Variants in RBBP5 observed in about 807,000 individuals in gnomAD.
The protein encoded by RBBP5 is RB binding protein 5, histone lysine methyltransferase complex subunit.
A neutral mutation model predicts 72.2 loss-of-function variants in RBBP5; 5 were observed. The ratio of observed to expected loss-of-function variants is 0.07; its 90% confidence interval spans 0.04 to 0.15. The LOEUF (loss-of-function observed/expected upper bound fraction) is 0.15. RBBP5 is among the 10% of genes least tolerant of loss of function. The probability of loss-of-function intolerance (pLI) is 1.00; values close to 1 mark genes in which losing one functional copy is unlikely to be tolerated. For missense variants in RBBP5, 322 were observed against 652.2 expected (o/e 0.49, Z 5.51); for synonymous variants, 209 against 237.2 (o/e 0.88, Z 1.09).
intron 3 of RBBP5, among the ~76,000 whole-genome samples, chr1:205,111,045 C>T (rs1656292904): frequency 6.6e-6 from 1 of 152,000 alleles, no homozygotes; most frequent in African/African-American, 2.4e-5. Flanking sequence ...GCCTGGGTGA[C>T]AGAGCAAGAC....
At chr1:205,100,720 G>A (rs571368516) in intron 6 of RBBP5, among the ~76,000 whole-genome samples, 87 of 152,042 alleles carry the variant, frequency 5.7e-4, no homozygotes, top group Non-Finnish European at 1.1e-3. Flanking sequence ...TCACTTTCTT[G>A]CAGACTTCAC....
intron 12 of RBBP5, among the ~76,000 whole-genome samples, chr1:205,096,208 A>G (rs1655611644): frequency 6.6e-6 from 1 of 151,996 alleles, no homozygotes; most frequent in South Asian, 2.1e-4. Flanking sequence ...AATAAAATAA[A>G]ATAAAATAAA....
In RBBP5 at chr1:205,099,206, C is replaced by A. The variant is rs74416815; in HGVS notation, c.979-100G>T. 1 of 726,956 alleles carries A rather than the reference C, an allele frequency of 1.4e-6. No individual in the cohort carries two copies. The highest frequency in any genetic ancestry group is 2.1e-6 in the Non-Finnish European group (1 of 482,816). The allele number at this position is 726,956 out of a possible 1,614,324, so 45.0% of individuals were successfully genotyped here. A position where few individuals can be genotyped will look rare whatever the true frequency, so the allele number is the denominator to read the frequency against. On this transcript the variant is annotated intron_variant, in intron 9 of 13. Transcript: ENST00000264515. This position sits in a 1 kb window ranked among gnomAD's most constrained non-coding sequence, Gnocchi z 4.7. Reference sequence around the variant, plus strand: ...AAGATGTGAGCATGAAAGGAATTCACAATTCTTAGATTAAATTTGGCAGAC... The same window carrying A: ...AAGATGTGAGCATGAAAGGAATTCAAAATTCTTAGATTAAATTTGGCAGAC...
chr1:205,103,176 G>A (rs1455892303), intron 5 of RBBP5, among the ~76,000 whole-genome samples: 2 of 126,010 alleles, frequency 1.6e-5, no homozygotes, highest in African/African-American at 6.1e-5. Flanking sequence ...AGTGAGCCGA[G>A]ATCATGCACT....
chr1:205,091,166 G>A (rs888560152), intron 13 of RBBP5: 5 of 152,220 alleles, frequency 3.3e-5, no homozygotes, highest in Non-Finnish European at 7.3e-5. Flanking sequence ...CCTTTAGAAC[G>A]TGTATGTAAC....
intron 2 of RBBP5, among the ~76,000 whole-genome samples, chr1:205,115,611 A>G (rs1401248645): frequency 1.3e-5 from 2 of 152,226 alleles, no homozygotes; most frequent in African/African-American, 2.4e-5. Flanking sequence ...TCCTTCAATG[A>G]AAGTTTTTCT....
At chr1:205,108,291 A>G (rs1363275969) in intron 3 of RBBP5, among the ~76,000 whole-genome samples, 1 of 152,210 alleles carries the variant, frequency 6.6e-6, no homozygotes, top group East Asian at 1.9e-4. Flanking sequence ...GATGTTTGAA[A>G]CACACATTTT....
chr1:205,104,774 G>A lies in RBBP5; in HGVS notation c.359+254C>T, dbSNP rs565066519. The stretch of plus-strand genomic sequence containing the variant: ...GAGAATCTTGAACCCAGGAGGCAGA[G>A]GTTGTGTGAGCCAAGATGGCGCCAC... On this transcript the variant is annotated intron_variant, in intron 4 of 13. Transcript: ENST00000264515. Among the ~76,000 whole-genome samples, 42 of 152,278 alleles carry A rather than the reference G, an allele frequency of 2.8e-4. 1 individual carries two copies. The South Asian group carries it at 8.7e-3, about 32-fold the overall frequency.
intron 5 of RBBP5, 142 bp downstream of exon 5, chr1:205,103,715 T>C (rs1655938759): frequency 1.0e-6 from 1 of 960,826 alleles, no homozygotes; most frequent in East Asian, 2.5e-5. Flanking sequence ...TATTAAGAGA[T>C]GGAAGAAAAT....
At chr1:205,119,670 G>A (rs1054543544) in intron 1 of RBBP5, among the ~76,000 whole-genome samples, 22 of 152,130 alleles carry the variant, frequency 1.4e-4, no homozygotes, top group African/African-American at 5.3e-4. Context: ...TCAGCCCTCA[G>A]ACTCAACTGC....
chr1:205,110,322 T>C (rs566069131), intron 3 of RBBP5, among the ~76,000 whole-genome samples: 1 of 152,248 alleles, frequency 6.6e-6, no homozygotes, highest in East Asian at 1.9e-4. Flanking sequence ...GCCCAGCCAG[T>C]ACCTACCAGT....
At position 205,089,939 on chromosome 1, in the gene RBBP5, C is replaced by T. The variant is rs138183975; in HGVS notation, c.1589-1124G>A. On this transcript the variant is annotated intron_variant, in intron 13 of 13. Coordinates refer to ENST00000264515, the MANE Select transcript of RBBP5 (RefSeq NM_005057.4). ...TGATCTCAGCTCACTGCAACCTCCG[C>T]CTCCTGGGTTCAAACGATTCTCCTG... Among the ~76,000 whole-genome samples the T allele has an allele frequency of 5.3e-4, 80 of 152,276 alleles. 2 individuals are homozygous for T. The East Asian group carries it at 0.012, about 23-fold the overall frequency.
chr1:205,121,016 T>A (rs545074162), intron 1 of RBBP5, among the ~76,000 whole-genome samples: 3 of 152,342 alleles, frequency 2.0e-5, no homozygotes, highest in South Asian at 4.1e-4. Context: ...GCAAAGACCA[T>A]TTTTTATGTA....
At chr1:205,114,284 G>A (rs1656437492) in intron 3 of RBBP5, among the ~76,000 whole-genome samples, 1 of 152,152 alleles carries the variant, frequency 6.6e-6, no homozygotes, top group Non-Finnish European at 1.5e-5. Context: ...ATTTTCTGAA[G>A]CAAATAGTTT....
intron 3 of RBBP5, among the ~76,000 whole-genome samples, chr1:205,108,016 G>A (rs1035161014): frequency 2.0e-5 from 3 of 150,882 alleles, no homozygotes; most frequent in African/African-American, 4.9e-5. Flanking sequence ...AGGTCAAGGC[G>A]GGCGGATCAT....
chr1:205,102,932 G>A (rs1461657049), intron 5 of RBBP5, among the ~76,000 whole-genome samples: 10 of 151,432 alleles, frequency 6.6e-5, no homozygotes, highest in African/African-American at 2.4e-4. Flanking sequence ...GGGAGAGGTT[G>A]CGGTGAACTG....
chr1:205,096,163 A>C (rs188092532), intron 12 of RBBP5, among the ~76,000 whole-genome samples: 1 of 152,176 alleles, frequency 6.6e-6, no homozygotes, highest in African/African-American at 2.4e-5. Flanking sequence ...ACTGCACTGC[A>C]GCCTGGGCAA....
intron 5 of RBBP5, among the ~76,000 whole-genome samples, chr1:205,102,773 C>T (rs113080615): frequency 0.012 from 1,846 of 152,224 alleles, 19 homozygotes; most frequent in Middle Eastern, 0.051. Context: ...GCAAGTGGAT[C>T]ACCTGAGGTT....
rs761546776 is a variant in RBBP5, at chr1:205,099,830, A to C, written c.907-18T>G. 6 of 1,613,812 alleles carry C rather than the reference A, an allele frequency of 3.7e-6. No homozygotes were observed. In the South Asian group the frequency reaches 6.6e-5, roughly 18 times the overall value. On this transcript the variant is annotated intron_variant, in intron 8 of 13. Transcript: ENST00000264515. This position sits in a 1 kb window ranked among gnomAD's most constrained non-coding sequence, Gnocchi z 4.7. ...GGATGCCACTAAATTTTAGTGAAGG[A>C]AAGAAAAACAGGTTGTTAAGAACAG...
Sources: gnomAD v4.1 joint callset for allele counts (sites outside exome capture counted in the v4.1 genomes callset) on GRCh38, gnomAD v4.1.1 for gene constraint, Gnocchi (gnomAD v3.1) non-coding constraint, MANE v1.5 for transcripts, NCBI Gene and HGNC (gene_info 2026-07-23, HGNC 2026-07-21) for gene names.